LENG9: variants seen among roughly 807,000 people sequenced by gnomAD.
LENG9 encodes leukocyte receptor cluster member 9.
For synonymous variants in LENG9, 410 were observed against 303.9 expected (o/e 1.35, Z -3.63); for missense variants, 872 against 652.7 (o/e 1.34, Z -3.66).
chr19:54,462,568 T>A lies in LENG9; in HGVS notation c.959A>T (p.Tyr320Phe), dbSNP rs1395702365. The A allele has an allele frequency of 6.2e-7, 1 of 1,613,710 alleles. No individual in the cohort carries two copies. Among genetic ancestry groups the A allele is most frequent in the Admixed American group, 1.7e-5 (1 of 60,026 alleles). ...LQAEVTKAQE[Y>F]LVHVAPHCAN... The stretch of plus-strand genomic sequence containing the variant: ...GCAGTGTGGGGCCACGTGGACCAGG[T>A]ATTCCTGGGCCTTGGTCACTTCTGC... Residue 320 changes from tyrosine (Y) to phenylalanine (F), a missense_variant, in exon 1 of 1, where the codon TAC becomes TTC. Transcript: ENST00000611161.
Position 54,462,572 on chromosome 19 carries a change from C to G in LENG9, c.955G>C (p.Glu319Gln). 1.2e-6 allele frequency: 2 copies of G among 1,613,782 alleles called. No individual in the cohort carries two copies. Among genetic ancestry groups the G allele is most frequent in the Non-Finnish European group, 1.7e-6 (2 of 1,180,034 alleles). Residue 319 changes from glutamate to glutamine, a missense_variant, in exon 1 of 1, where the codon GAA becomes CAA. By Grantham distance (29) the Glu-to-Gln change is conservative. Coordinates refer to ENST00000611161, the MANE Select transcript of LENG9 (RefSeq NM_001301782.2). ...TGTGGGGCCACGTGGACCAGGTATT[C>G]CTGGGCCTTGGTCACTTCTGCTTGT... is the stretch of plus-strand genomic sequence containing the variant. ...GLQAEVTKAQ[E>Q]YLVHVAPHCA...
rs778602306 is a variant in LENG9, at chr19:54,462,436, A to C, written c.1091T>G (p.Leu364Arg). ...GGGTGCATTTAGCCCCGGGGCCAAG[A>C]GGGCCCGTCTCAGAGCTCCAATGGC... Reference protein sequence around the residue: ...AAAIGALRRALLAPGLNAPPR... With the variant: ...AAAIGALRRARLAPGLNAPPR... The change falls in exon 1 of 1, where the codon CTC becomes CGC. Residue 364 changes from leucine to arginine, a missense_variant. By Grantham distance (102) the Leu-to-Arg change is moderately radical (BLOSUM62 -2). Coordinates refer to ENST00000611161, the MANE Select transcript of LENG9 (RefSeq NM_001301782.2). 1.9e-6 allele frequency: 3 copies of C among 1,613,374 alleles called. No individual in the cohort carries two copies. The highest frequency in any genetic ancestry group is 2.5e-6 in the Non-Finnish European group (3 of 1,179,960).
In LENG9 at chr19:54,463,234, T is replaced by G; in HGVS notation, c.293A>C (p.Glu98Ala). 1 of 1,546,160 alleles carries G rather than the reference T, an allele frequency of 6.5e-7. No homozygotes were observed. The highest frequency in any genetic ancestry group is 8.7e-7 in the Non-Finnish European group (1 of 1,152,044). Residue 98 changes from glutamate to alanine, a missense_variant, in exon 1 of 1, where the codon GAG (glutamate) becomes GCG (alanine). Physicochemically the swap from Glu to Ala is moderately radical, Grantham distance 107 (BLOSUM62 -1). Transcript: ENST00000611161. ...GYVDRFLGVR[E>A]EPFSAFCWDQ... is the part of the protein sequence containing the mutation. The stretch of plus-strand genomic sequence containing the variant: ...CCAGCAAAAGGCGCTGAAGGGCTCC[T>G]CGCGCACACCCAGAAAGCGGTCGAC...
At position 54,462,384 on chromosome 19, in the gene LENG9, G is replaced by T. The variant is rs986389675; in HGVS notation, c.1143C>A (p.Val381=). Residue 381 remains valine, a synonymous_variant, in exon 1 of 1, where the codon GTC becomes GTA. Transcript: ENST00000611161. ...APPRLSFRKL[V]LLGPHVLCAP... ...CACACAGCACATGCGGGCCCAGGAG[G>T]ACCAGCTTTCTAAAGCTCAGCCGAG... 1 of 1,612,754 alleles carries T rather than the reference G, an allele frequency of 6.2e-7. No individual in the cohort carries two copies. Among genetic ancestry groups the T allele is most frequent in the Admixed American group, 1.7e-5 (1 of 59,952 alleles).
In LENG9 at chr19:54,462,439, G is replaced by A; in HGVS notation, c.1088C>T (p.Ala363Val). Residue 363 changes from alanine (A) to valine (V), a missense_variant, in exon 1 of 1, where the codon GCC becomes GTC. Physicochemically the swap from Ala to Val is moderately conservative, Grantham distance 64. Transcript: ENST00000611161. ...TGCATTTAGCCCCGGGGCCAAGAGG[G>A]CCCGTCTCAGAGCTCCAATGGCAGC... The part of the protein sequence containing the change: ...EAAAIGALRR[A>V]LLAPGLNAPP... The A allele has an allele frequency of 6.2e-7, 1 of 1,613,496 alleles. No homozygotes were observed. Among genetic ancestry groups the A allele is most frequent in the Non-Finnish European group, 8.5e-7 (1 of 1,179,980 alleles).
In LENG9 at chr19:54,463,055, T is replaced by G. The variant is rs575682906; in HGVS notation, c.472A>C (p.Ile158Leu). Residue 158 changes from isoleucine to leucine, a missense_variant, in exon 1 of 1, where the codon ATC becomes CTC. Transcript: ENST00000611161. ...CCCTCGGTGTTCGGTGCGTCCAGGA[T>G]GGTGGGCCCGCGTCCCGCCGCCGAG... ...SGSAAGRGPT[I>L]LDAPNTEGAH... The G allele has an allele frequency of 6.2e-7, 1 of 1,601,852 alleles. No individual in the cohort carries two copies. The highest frequency in any genetic ancestry group is 1.1e-5 in the South Asian group (1 of 90,964).
chr19:54,462,856 TCAG>T lies in LENG9; in HGVS notation c.668_670del (p.Ala223del). On this transcript the variant is annotated inframe_deletion, in exon 1 of 1. Coordinates refer to ENST00000611161, the MANE Select transcript of LENG9 (RefSeq NM_001301782.2). ...TCCTCTTGGGGCCAGTGTTCCCAAATCAGCAGCTGTGCCCAGCGCCCTCTCCTG... is the reference window on the plus strand; with the variant it reads ...TCCTCTTGGGGCCAGTGTTCCCAAATCAGCTGTGCCCAGCGCCCTCTCCTG... The T allele has an allele frequency of 1.2e-6, 2 of 1,612,698 alleles. No individual in the cohort carries two copies. The highest frequency in any genetic ancestry group is 2.2e-5 in the East Asian group (1 of 44,836).
rs752368867 is a variant in LENG9 at position 54,463,113 on chromosome 19, G to A, written c.414C>T (p.Arg138=). The A allele has an allele frequency of 6.2e-7, 1 of 1,600,216 alleles. No individual in the cohort carries two copies. The highest frequency in any genetic ancestry group is 1.3e-5 in the African/African-American group (1 of 74,950). The change falls in exon 1 of 1, where the codon CGC becomes CGT. Residue 138 remains arginine, a synonymous_variant. Transcript: ENST00000611161. ...CAAAGACGAGGTCGGTGCGCGAGGC[G>A]CGGTCCCACACAAGGCGGCCACGGA... ...FRFRGRLVWD[R]ASRTDLVFGS...
In LENG9 at chr19:54,463,112, C is replaced by G. The variant is rs765112378; in HGVS notation, c.415G>C (p.Ala139Pro). 2 of 1,600,160 alleles carry G rather than the reference C, an allele frequency of 1.2e-6. No individual in the cohort carries two copies. The highest frequency in any genetic ancestry group is 4.5e-5 in the East Asian group (2 of 44,696). Residue 139 changes from alanine to proline, a missense_variant, in exon 1 of 1, where the codon GCC (alanine) becomes CCC (proline). Coordinates refer to ENST00000611161, the MANE Select transcript of LENG9 (RefSeq NM_001301782.2). ...CCAAAGACGAGGTCGGTGCGCGAGG[C>G]GCGGTCCCACACAAGGCGGCCACGG... ...RFRGRLVWDR[A>P]SRTDLVFGSG...
rs756283596 is a variant in LENG9 at position 54,462,272 on chromosome 19, C to T, written c.1255G>A (p.Gly419Arg). The T allele has an allele frequency of 1.1e-5, 17 of 1,608,322 alleles. No individual in the cohort carries two copies. The African/African-American group carries it at 1.5e-4, about 14-fold the overall frequency. The stretch of plus-strand genomic sequence containing the variant: ...ACGGTGAGGTGGGGGTGCAGCTGCC[C>T]TGGAGACTGTAGTGTACTCAGCCCC... ...AEGLSTLQSP[G>R]QLHPHLTVAK... The change falls in exon 1 of 1, where the codon GGG (glycine) becomes AGG (arginine). Residue 419 changes from glycine (G) to arginine (R), a missense_variant. Transcript: ENST00000611161.
Position 54,462,348 on chromosome 19 carries a change from A to G in LENG9, c.1179T>C (p.Ser393=). 6.2e-7 allele frequency: 1 copy of G among 1,609,666 alleles called. No homozygotes were observed. Among genetic ancestry groups the G allele is most frequent in the Non-Finnish European group, 8.5e-7 (1 of 1,177,106 alleles). The change falls in exon 1 of 1, where the codon TCT becomes TCC. Residue 393 remains serine (S), a synonymous_variant. Transcript: ENST00000611161. ...CTTGTGCCATGCTTTCCAGTGTGGGAGAGGGTGGGGCACACAGCACATGCG... is the reference window on the plus strand; with the variant it reads ...CTTGTGCCATGCTTTCCAGTGTGGGGGAGGGTGGGGCACACAGCACATGCG... ...LGPHVLCAPP[S]PTLESMAQVL... is the part of the protein sequence containing the mutation.
Position 54,462,371 on chromosome 19 carries a change from G to A in LENG9, c.1156C>T (p.His386Tyr). Residue 386 changes from histidine to tyrosine, a missense_variant, in exon 1 of 1, where the codon CAT becomes TAT. Coordinates refer to ENST00000611161, the MANE Select transcript of LENG9 (RefSeq NM_001301782.2). ...GGAGAGGGTGGGGCACACAGCACAT[G>A]CGGGCCCAGGAGGACCAGCTTTCTA... ...SFRKLVLLGP[H>Y]VLCAPPSPTL... 2 of 1,612,318 alleles carry A rather than the reference G, an allele frequency of 1.2e-6. No individual in the cohort carries two copies. The highest frequency in any genetic ancestry group is 1.7e-6 in the Non-Finnish European group (2 of 1,179,016).
At position 54,461,797 on chromosome 19, in the gene LENG9, T is replaced by G; in HGVS notation, c.*293A>C. The G allele has an allele frequency of 1.6e-6, 1 of 631,596 alleles. No individual in the cohort carries two copies. Among genetic ancestry groups the G allele is most frequent in the Non-Finnish European group, 3.0e-6 (1 of 330,718 alleles). The allele number at this position is 631,596 out of a possible 1,614,324, so 39.1% of individuals were successfully genotyped here. ...TTTTTCTTCCTCCTCTCCCTTTTCT[T>G]TTTGGCCCTCCCTCCCTCCCTCTTC... On this transcript the variant is annotated 3_prime_UTR_variant, in exon 1 of 1. Transcript: ENST00000611161.
chr19:54,463,235 C>A lies in LENG9; in HGVS notation c.292G>T (p.Glu98Ter). Residue 98 changes from glutamate (E) to a stop codon, truncating the protein, a stop_gained, in exon 1 of 1, where the codon GAG becomes TAG. Transcript: ENST00000611161. LOFTEE classifies it low-confidence loss of function (END_TRUNC). The stretch of plus-strand genomic sequence containing the variant: ...CAGCAAAAGGCGCTGAAGGGCTCCT[C>A]GCGCACACCCAGAAAGCGGTCGACG... ...GYVDRFLGVR[E>*]EPFSAFCWDQ... 1 of 1,545,718 alleles carries A rather than the reference C, an allele frequency of 6.5e-7. No individual in the cohort carries two copies. The highest frequency in any genetic ancestry group is 8.7e-7 in the Non-Finnish European group (1 of 1,151,818).
rs1266546472 is a variant in LENG9, at chr19:54,463,161, C to G, written c.366G>C (p.Gln122His). 1 of 1,588,100 alleles carries G rather than the reference C, an allele frequency of 6.3e-7. No homozygotes were observed. The highest frequency in any genetic ancestry group is 8.5e-7 in the Non-Finnish European group (1 of 1,173,294). ...ALGPGVLAVP[Q>H]HRVRFFRFRG... ...GGAAGCGGAAGAAGCGCACGCGGTG[C>G]TGGGGCACTGCCAGCACGCCCGGCC... Residue 122 changes from glutamine to histidine, a missense_variant, in exon 1 of 1, where the codon CAG becomes CAC. Transcript: ENST00000611161.
chr19:54,461,874 G>C lies in LENG9; in HGVS notation c.*216C>G, dbSNP rs2084586158. 2.9e-6 allele frequency: 2 copies of C among 683,298 alleles called. No individual in the cohort carries two copies. The highest frequency in any genetic ancestry group is 5.9e-5 in the East Asian group (2 of 33,660). The allele number at this position is 683,298 out of a possible 1,614,324, so 42.3% of individuals were successfully genotyped here. A position where few individuals can be genotyped will look rare whatever the true frequency, so the allele number is the denominator to read the frequency against. On this transcript the variant is annotated 3_prime_UTR_variant, in exon 1 of 1. Coordinates refer to ENST00000611161, the MANE Select transcript of LENG9 (RefSeq NM_001301782.2). ...GAGTTTGCAAACAGCTGGACTGTCAGGCTGCTTTTTTTCCAGATGTTCCTC... is the reference window on the plus strand; with the variant it reads ...GAGTTTGCAAACAGCTGGACTGTCACGCTGCTTTTTTTCCAGATGTTCCTC...
chr19:54,462,312 C>G lies in LENG9; in HGVS notation c.1215G>C (p.Gln405His). The G allele has an allele frequency of 6.2e-7, 1 of 1,603,542 alleles. No homozygotes were observed. The stretch of plus-strand genomic sequence containing the variant: ...TACTCAGCCCCTCGGCTTCCAGCCT[C>G]TGGCTCAGCACTTGTGCCATGCTTT... ...TLESMAQVLS[Q>H]RLEAEGLSTL... is the part of the protein sequence containing the mutation. Residue 405 changes from glutamine to histidine, a missense_variant, in exon 1 of 1, where the codon CAG becomes CAC. Coordinates refer to ENST00000611161, the MANE Select transcript of LENG9 (RefSeq NM_001301782.2).
chr19:54,462,155 A>G lies in LENG9; in HGVS notation c.1372T>C (p.Trp458Arg), dbSNP rs2084602119. 2 of 1,608,730 alleles carry G rather than the reference A, an allele frequency of 1.2e-6. No homozygotes were observed. Among genetic ancestry groups the G allele is most frequent in the Non-Finnish European group, 1.7e-6 (2 of 1,176,912 alleles). The stretch of plus-strand genomic sequence containing the variant: ...CCTGTCCTCCCTATACGGCACAGCC[A>G]GAGTGTCTGCAGGGGCTGGCACCCC... ...EVGCQPLQTL[W>R]LCRIGRTGGP... The change falls in exon 1 of 1, where the codon TGG becomes CGG. Residue 458 changes from tryptophan to arginine, a missense_variant. Trp to Arg is a moderately radical substitution (Grantham distance 101). Transcript: ENST00000611161.
At position 54,463,627 on chromosome 19, in the gene LENG9, C is replaced by T. The variant is rs2084675785; in HGVS notation, c.-101G>A. The stretch of plus-strand genomic sequence containing the variant: ...GAGCCTCACCCGACAGTGGCGTCAG[C>T]GGCCCGCGCTCCGGCCTAGCTCTGG... On this transcript the variant is annotated 5_prime_UTR_variant, in exon 1 of 1. Coordinates refer to ENST00000611161, the MANE Select transcript of LENG9 (RefSeq NM_001301782.2). The T allele has an allele frequency of 1.6e-5, 20 of 1,256,292 alleles. No individual in the cohort carries two copies. Among genetic ancestry groups the T allele is most frequent in the Admixed American group, 4.3e-5 (1 of 23,410 alleles). 77.8% of individuals were successfully genotyped at this position (1,256,292 alleles called of 1,614,324 possible). A position where few individuals can be genotyped will look rare whatever the true frequency, so the allele number is the denominator to read the frequency against.
Sources: gnomAD v4.1 joint callset for allele counts on GRCh38, gnomAD v4.1.1 for gene constraint, MANE v1.5 for transcripts, NCBI Gene and HGNC (gene_info 2026-07-23, HGNC 2026-07-21) for gene names.